Variants in PPM1H observed in about 807,000 individuals in gnomAD.
PPM1H encodes protein phosphatase 1H.
In PPM1H, 27 loss-of-function variants were observed where a neutral mutation model predicts 54.9. The observed-to-expected ratio is 0.49, with a 90% CI of 0.36 to 0.68. The LOEUF (loss-of-function observed/expected upper bound fraction) is 0.68, where lower values mean the gene tolerates loss of function less well. Among genes scored for constraint, PPM1H ranks in the 30% least tolerant of loss-of-function variants. The probability of loss-of-function intolerance (pLI) is 0.00; values close to 1 mark genes in which losing one functional copy is unlikely to be tolerated. For missense variants in PPM1H, 596 were observed against 667.8 expected (o/e 0.89, Z 1.19); for synonymous variants, 305 against 270.8 (o/e 1.13, Z -1.24).
chr12:62,712,801 C>T (rs925399011), intron 6 of PPM1H, among the ~76,000 whole-genome samples: 1 of 152,138 alleles, frequency 6.6e-6, no homozygotes, highest in African/African-American at 2.4e-5. Flanking sequence ...CCTTGGGATC[C>T]GTGGAAAAGC....
At chr12:62,790,800 A>G (rs1376418881) in intron 3 of PPM1H, among the ~76,000 whole-genome samples, 1 of 152,194 alleles carries the variant, frequency 6.6e-6, no homozygotes. Context: ...AAGCTGCAGA[A>G]GCATCAAGCA....
At chr12:62,825,346 C>T (rs1051311631) in intron 2 of PPM1H, among the ~76,000 whole-genome samples, 6 of 152,134 alleles carry the variant, frequency 3.9e-5, no homozygotes, top group African/African-American at 1.4e-4. Flanking sequence ...TGATCTAGAA[C>T]TAGAAATATC....
At chr12:62,812,523 T>A (rs1450864894) in intron 2 of PPM1H, among the ~76,000 whole-genome samples, 2 of 152,134 alleles carry the variant, frequency 1.3e-5, no homozygotes, top group Non-Finnish European at 2.9e-5. Flanking sequence ...CCAGTTGCAC[T>A]CTAAATTATT....
intron 1 of PPM1H, among the ~76,000 whole-genome samples, chr12:62,884,419 T>C (rs1344081308): frequency 6.8e-6 from 1 of 146,710 alleles, no homozygotes; most frequent in Non-Finnish European, 1.5e-5. Context: ...GAGAATCACT[T>C]GAACCCCAGA....
intron 4 of PPM1H, among the ~76,000 whole-genome samples, chr12:62,744,196 C>T (rs938869875): frequency 2.7e-5 from 4 of 148,200 alleles, no homozygotes; most frequent in African/African-American, 7.4e-5. Flanking sequence ...AAAGGCCAGG[C>T]GCTGTGGCTC....
At chr12:62,778,831 T>C (rs2076625435) in intron 4 of PPM1H, among the ~76,000 whole-genome samples, 1 of 151,960 alleles carries the variant, frequency 6.6e-6, no homozygotes, top group South Asian at 2.1e-4. Context: ...CTCAGGAGGC[T>C]GACATGGGAA....
intron 1 of PPM1H, among the ~76,000 whole-genome samples, chr12:62,929,140 T>C (rs935593747): frequency 1.3e-5 from 2 of 152,216 alleles, no homozygotes; most frequent in Non-Finnish European, 2.9e-5. Flanking sequence ...TGAACCTTAA[T>C]AGTCTATTTC....
intron 7 of PPM1H, among the ~76,000 whole-genome samples, chr12:62,690,669 C>A (rs1038847042): frequency 3.3e-5 from 5 of 152,232 alleles, no homozygotes; most frequent in African/African-American, 1.2e-4. Context: ...AAGGCCTCGT[C>A]CCTACTACAA....
rs541373916 is a variant in PPM1H at position 62,822,320 on chromosome 12, C to T, written c.411+9794G>A. Reference sequence around the variant, plus strand: ...ACAATAATAATGGGAGACTTTAACACCCCACTGTCAATATTAGATCAATGA... The same window carrying T: ...ACAATAATAATGGGAGACTTTAACATCCCACTGTCAATATTAGATCAATGA... On this transcript the variant is annotated intron_variant, in intron 2 of 9. Coordinates refer to ENST00000228705, the MANE Select transcript of PPM1H (RefSeq NM_020700.2). 3.9e-5 allele frequency among the ~76,000 whole-genome samples: 6 copies of T among 152,298 alleles called. 1 individual carries two copies. The highest frequency in any genetic ancestry group is 1.2e-4 in the African/African-American group (5 of 41,560).
intron 8 of PPM1H, among the ~76,000 whole-genome samples, chr12:62,668,981 C>T (rs1283979267): frequency 6.6e-6 from 1 of 152,246 alleles, no homozygotes; most frequent in Non-Finnish European, 1.5e-5. Flanking sequence ...AAAGCAGCCA[C>T]CAGGCGCCAG....
chr12:62,720,562 T>C, intron 5 of PPM1H: 1 of 389,482 alleles, frequency 2.6e-6, no homozygotes, highest in Middle Eastern at 8.2e-4. Flanking sequence ...AAGACTGAGC[T>C]TCTCTCTAAA....
chr12:62,729,372 A>G (rs536620003), intron 5 of PPM1H, among the ~76,000 whole-genome samples: 1 of 152,340 alleles, frequency 6.6e-6, no homozygotes, highest in South Asian at 2.1e-4. Flanking sequence ...AGTGGGGCAG[A>G]GAGGAGGCAG....
At chr12:62,663,201 T>C (rs537035377) in intron 9 of PPM1H, among the ~76,000 whole-genome samples, 80 of 152,024 alleles carry the variant, frequency 5.3e-4, no homozygotes, top group Non-Finnish European at 1.0e-3. Flanking sequence ...GATGCAAGAG[T>C]TCTTCTAGGA....
intron 1 of PPM1H, among the ~76,000 whole-genome samples, chr12:62,879,786 TA>T (rs1311202485): frequency 6.6e-6 from 1 of 151,714 alleles, no homozygotes; most frequent in Non-Finnish European, 1.5e-5. Context: ...ATTAAAAAAA[TA>T]AAAAAAGAAT....
At chr12:62,653,671 G>C (rs1203505815) in intron 9 of PPM1H, among the ~76,000 whole-genome samples, 1 of 152,188 alleles carries the variant, frequency 6.6e-6, no homozygotes, top group Non-Finnish European at 1.5e-5. Flanking sequence ...GTTCACATGT[G>C]CCCTGGGTTA....
intron 4 of PPM1H, among the ~76,000 whole-genome samples, chr12:62,780,497 G>A (rs2076635619): frequency 6.6e-6 from 1 of 152,248 alleles, no homozygotes; most frequent in East Asian, 1.9e-4. Flanking sequence ...ATAGAGACAA[G>A]GTCTCACTTT....
intron 4 of PPM1H, among the ~76,000 whole-genome samples, chr12:62,742,041 A>C (rs2120541570): frequency 6.6e-6 from 1 of 151,904 alleles, no homozygotes; most frequent in South Asian, 2.1e-4. Context: ...TGAAATACAA[A>C]GGGAAACAAG....
chr12:62,906,747 C>T (rs1415592124), intron 1 of PPM1H, among the ~76,000 whole-genome samples: 1 of 152,130 alleles, frequency 6.6e-6, no homozygotes, highest in East Asian at 1.9e-4. Context: ...GATAAAAATG[C>T]TACACAGTTG....
intron 8 of PPM1H, among the ~76,000 whole-genome samples, chr12:62,683,037 TTA>T (rs879303363): frequency 0.15 from 3,640 of 24,960 alleles, 68 homozygotes; most frequent in Middle Eastern, 0.24. Flanking sequence ...TTATTATTTA[TTA>T]TTATTATTAT....
Sources: gnomAD v4.1 joint callset for allele counts (sites outside exome capture counted in the v4.1 genomes callset) on GRCh38, gnomAD v4.1.1 for gene constraint, MANE v1.5 for transcripts, NCBI Gene and HGNC (gene_info 2026-07-23, HGNC 2026-07-21) for gene names.